The following ANKFY1 variants were observed in gnomAD, a reference collection of about 807,000 sequenced individuals.
ANKFY1 encodes ankyrin repeat and FYVE domain containing 1.
Under a neutral mutation model 128.3 loss-of-function variants are expected in ANKFY1, and 47 were observed. That is an observed-to-expected ratio of 0.37 (90% CI 0.29 to 0.47). The LOEUF is 0.47. Ranked by LOEUF, ANKFY1 falls within the 20% of genes least tolerant of loss-of-function variation. The pLI is 1.00. For synonymous variants in ANKFY1, 553 were observed against 601.6 expected, an observed-to-expected ratio of 0.92 and a Z score of 1.18; for missense variants, 1,222 against 1,510.6, an observed-to-expected ratio of 0.81 and a Z score of 3.17.
At chr17:4,262,197 G>A (rs985365317) in intron 1 of ANKFY1, among the ~76,000 whole-genome samples, 1 of 152,156 alleles carries the variant, frequency 6.6e-6, no homozygotes, top group Non-Finnish European at 1.5e-5. Flanking sequence ...CTGTCGCCCA[G>A]GCTGGTGCAG....
At chr17:4,223,855 C>A in intron 3 of ANKFY1, 1 of 1,057,114 alleles carries the variant, frequency 9.5e-7, no homozygotes. Context: ...CCCACAGCAT[C>A]AGGAGAAAGG....
At chr17:4,208,829 C>T (rs752334904) in intron 5 of ANKFY1, among the ~76,000 whole-genome samples, 9 of 152,092 alleles carry the variant, frequency 5.9e-5, no homozygotes, top group African/African-American at 2.2e-4. Flanking sequence ...CCGAGGTGGG[C>T]GGATCGATCA....
At chr17:4,202,400 TA>T (rs534585731) in intron 7 of ANKFY1, among the ~76,000 whole-genome samples, 378 of 74,220 alleles carry the variant, frequency 5.1e-3, no homozygotes, top group Middle Eastern at 0.013. Context: ...GACTGTGTCT[TA>T]AAAAAAAAAA....
At chr17:4,206,219 C>T in intron 7 of ANKFY1, 102 bp downstream of exon 7, 1 of 1,303,858 alleles carries the variant, frequency 7.7e-7, no homozygotes, top group Non-Finnish European at 1.1e-6. Flanking sequence ...GTACAGACTA[C>T]AGAAGCCTTT....
intron 14 of ANKFY1, 32 bp downstream of exon 14, chr17:4,183,366 G>A (rs1161840142): frequency 5.6e-6 from 9 of 1,601,722 alleles, no homozygotes; most frequent in African/African-American, 1.3e-5. Context: ...ATTGTTACCT[G>A]GTGTTAGGTG....
At chr17:4,228,288 C>T (rs1200909446) in intron 3 of ANKFY1, among the ~76,000 whole-genome samples, 1 of 152,092 alleles carries the variant, frequency 6.6e-6, no homozygotes, top group Admixed American at 6.6e-5. Context: ...TCTATAAAAG[C>T]CTAGAAACTG....
intron 22 of ANKFY1, among the ~76,000 whole-genome samples, chr17:4,171,957 G>A (rs778183779): frequency 9.9e-5 from 15 of 152,130 alleles, no homozygotes; most frequent in Non-Finnish European, 2.1e-4. Context: ...TTCCTTACCC[G>A]AAAAACGGGG....
chr17:4,200,038 A>T (rs899709713), intron 7 of ANKFY1, among the ~76,000 whole-genome samples: 1 of 150,846 alleles, frequency 6.6e-6, no homozygotes, highest in Admixed American at 6.7e-5. Flanking sequence ...CAATGAGCTC[A>T]TATCGGGAAA....
chr17:4,210,014 C>T (rs993234465), intron 4 of ANKFY1, 67 bp from the exon 5 acceptor site: 33 of 1,509,370 alleles, frequency 2.2e-5, no homozygotes, highest in Non-Finnish European at 2.9e-5. Context: ...CAAACCAAAG[C>T]GATCATCTTT....
chr17:4,234,976 A>G (rs1966866204), intron 3 of ANKFY1, among the ~76,000 whole-genome samples: 1 of 152,202 alleles, frequency 6.6e-6, no homozygotes. Context: ...GCTAATGGTC[A>G]TCTTTTGATG....
Position 4,228,417 on chromosome 17 carries a change from G to GT in ANKFY1, c.322+7354dup, listed in dbSNP as rs36040880. 7.9e-3 allele frequency among the ~76,000 whole-genome samples: 1,156 copies of GT among 145,534 alleles called. 4 individuals carry two copies. The highest frequency in any genetic ancestry group is 0.019 in the African/African-American group (768 of 39,698). ...TTAAGGATGGAAATGTTTTTTGTTA[G>GT]TTTTTTTTTTTTTTCTTGAGACAGA... On this transcript the variant is annotated intron_variant, in intron 3 of 24. Transcript: ENST00000341657.
chr17:4,184,692 G>A (rs2059578742), intron 12 of ANKFY1, 126 bp downstream of exon 12: 12 of 1,047,712 alleles, frequency 1.1e-5, no homozygotes, highest in South Asian at 9.5e-5. Flanking sequence ...GACCTGAAAG[G>A]ATTTTTTGGG....
rs373933542 is a variant in ANKFY1 at position 4,194,986 on chromosome 17, G to T, written c.1364C>A (p.Thr455Lys). 1 of 1,614,050 alleles carries T rather than the reference G, an allele frequency of 6.2e-7. No homozygotes were observed. Among genetic ancestry groups the T allele is most frequent in the Admixed American group, 1.7e-5 (1 of 60,002 alleles). Residue 455 changes from threonine to lysine, a missense_variant, in exon 10 of 25, where the codon ACG becomes AAG. Physicochemically the swap from Thr to Lys is moderately conservative, Grantham distance 78. Transcript: ENST00000341657. ...GGAGGCACGTGCTTTACCTGTCGCC[G>T]TGTCAGGTGCGTCTGTGTGGCTGCC... ...QRGSHTDAPD[T>K]ATGNCLLQRA...
chr17:4,199,573 GTT>G (rs2059890178), intron 7 of ANKFY1, among the ~76,000 whole-genome samples: 1 of 152,186 alleles, frequency 6.6e-6, no homozygotes, highest in African/African-American at 2.4e-5. Flanking sequence ...ACCTTGACAT[GTT>G]GACAAAAGGC....
At chr17:4,229,227 C>T (rs1011336564) in intron 3 of ANKFY1, among the ~76,000 whole-genome samples, 16 of 152,020 alleles carry the variant, frequency 1.1e-4, no homozygotes, top group Non-Finnish European at 2.1e-4. Context: ...AGTTCAAGAC[C>T]GGCATGGCCA....
intron 5 of ANKFY1, among the ~76,000 whole-genome samples, chr17:4,208,478 C>T (rs1397026595): frequency 6.6e-6 from 1 of 152,172 alleles, no homozygotes; most frequent in Non-Finnish European, 1.5e-5. Flanking sequence ...CCTCCCACCC[C>T]CTGAAAGATG....
chr17:4,249,107 G>A (rs1486437206), intron 1 of ANKFY1: 2 of 984,650 alleles, frequency 2.0e-6, no homozygotes, highest in African/African-American at 1.7e-5. Flanking sequence ...GAAGTTATAT[G>A]GCACAGTCAG....
At chr17:4,252,634 A>G (rs528387521) in intron 1 of ANKFY1, among the ~76,000 whole-genome samples, 1 of 152,244 alleles carries the variant, frequency 6.6e-6, no homozygotes, top group African/African-American at 2.4e-5. Context: ...AAATGGCATA[A>G]CCATTCTGGA....
intron 3 of ANKFY1, among the ~76,000 whole-genome samples, chr17:4,221,523 T>A (rs1312604855): frequency 6.6e-6 from 1 of 152,186 alleles, no homozygotes; most frequent in Non-Finnish European, 1.5e-5. Flanking sequence ...ACTTTGTTTT[T>A]TAAATCCTCT....
Sources: allele counts gnomAD v4.1 joint callset (sites outside exome capture counted in the v4.1 genomes callset), GRCh38; gene constraint gnomAD v4.1.1; transcripts MANE v1.5; gene names NCBI Gene and HGNC (gene_info 2026-07-23, HGNC 2026-07-21).